WDR27: variants seen among roughly 807,000 people sequenced by gnomAD.
WDR27 encodes the protein WD repeat domain 27, also known as WD repeat-containing protein 27.
WDR27 carries 100 observed loss-of-function variants against 114.4 expected under a neutral mutation model. The observed-to-expected ratio is 0.87, with a 90% CI of 0.74 to 1.03. WDR27 has a LOEUF of 1.03. WDR27 is among the 50% of genes least tolerant of loss of function. The pLI is 0.00. For missense variants in WDR27, 1,129 were observed against 1,092.9 expected, an observed-to-expected ratio of 1.03 and a Z score of -0.47; for synonymous variants, 449 against 423.1, an observed-to-expected ratio of 1.06 and a Z score of -0.75.
At chr6:169,664,820 G>C in intron 7 of WDR27, 1 of 994,898 alleles carries the variant, frequency 1.0e-6, no homozygotes, top group Non-Finnish European at 1.2e-6. Flanking sequence ...TCAACAGTGT[G>C]TAAAGATGAC....
the WDR27 span, chr6:169,426,538 A>G: frequency 2.0e-5 from 3 of 152,112 alleles, no homozygotes; most frequent in East Asian, 3.8e-4. Flanking sequence ...CTGAGCTATT[A>G]AAAGAAAAAA....
intron 25 of WDR27, among the ~76,000 whole-genome samples, chr6:169,531,716 C>A (rs1795632711): frequency 1.3e-5 from 2 of 149,168 alleles, no homozygotes; most frequent in Non-Finnish European, 3.0e-5. Flanking sequence ...TGCAGTGGTG[C>A]GATCTCAGCT....
At chr6:169,452,438 C>G (rs1289237190), downstream of WDR27, among the ~76,000 whole-genome samples, 2 of 152,258 alleles carry the variant, frequency 1.3e-5, no homozygotes, top group Admixed American at 6.5e-5. Context: ...GTGAGGATCA[C>G]CCTGTGAAGA....
intron 21 of WDR27, among the ~76,000 whole-genome samples, chr6:169,629,509 C>T (rs1312554284): frequency 6.6e-6 from 1 of 152,154 alleles, no homozygotes; most frequent in East Asian, 1.9e-4. Flanking sequence ...CAATGACCAC[C>T]TTTAATAAGA....
intron 5 of WDR27, chr6:169,667,437 T>C: frequency 2.1e-6 from 2 of 962,926 alleles, no homozygotes; most frequent in Non-Finnish European, 2.5e-6. Flanking sequence ...GAAACAAAAA[T>C]GAAACAAGGT....
At chr6:169,590,951 G>A (rs1805639732) in intron 23 of WDR27, among the ~76,000 whole-genome samples, 1 of 152,214 alleles carries the variant, frequency 6.6e-6, no homozygotes, top group African/African-American at 2.4e-5. Flanking sequence ...GGCCATGGAA[G>A]CGCAGGTATC....
At position 169,658,455 on chromosome 6, in the gene WDR27, T is replaced by C. The variant is rs1261247025; in HGVS notation, c.1320-97A>G. Reference sequence around the variant, plus strand: ...CACTTTAAAGACAGTTCCAAATGACTGATTCCTGCAGCTGTGGACATAACA... The same window carrying C: ...CACTTTAAAGACAGTTCCAAATGACCGATTCCTGCAGCTGTGGACATAACA... On this transcript the variant is annotated intron_variant, in intron 12 of 25. Transcript: ENST00000448612. 9.1e-6 allele frequency: 8 copies of C among 882,766 alleles called. No homozygotes were observed. The Admixed American group carries it at 1.6e-4, about 18-fold the overall frequency. 54.7% of individuals were successfully genotyped at this position (882,766 alleles called of 1,614,324 possible). A position where few individuals can be genotyped will look rare whatever the true frequency, so the allele number is the denominator to read the frequency against.
intron 25 of WDR27, among the ~76,000 whole-genome samples, chr6:169,489,885 T>C (rs1368115857): frequency 5.3e-5 from 8 of 152,224 alleles, no homozygotes; most frequent in Non-Finnish European, 1.5e-5. Context: ...GTGGAAGTGC[T>C]TTGTGGTAGT....
At chr6:169,639,772 C>G (rs1818697295) in intron 17 of WDR27, among the ~76,000 whole-genome samples, 1 of 152,164 alleles carries the variant, frequency 6.6e-6, no homozygotes, top group Non-Finnish European at 1.5e-5. Context: ...GGTTTCTGGA[C>G]CTGTCTTGCC....
At chr6:169,465,127 G>A (rs552015886) in intron 25 of WDR27, among the ~76,000 whole-genome samples, 114 of 152,126 alleles carry the variant, frequency 7.5e-4, no homozygotes, top group East Asian at 4.3e-3. Flanking sequence ...GTGTGGGGGC[G>A]CATGCCTGTA....
intron 25 of WDR27, among the ~76,000 whole-genome samples, chr6:169,518,739 C>A (rs1030765679): frequency 6.6e-6 from 1 of 152,254 alleles, no homozygotes; most frequent in Non-Finnish European, 1.5e-5. Context: ...GGTTGCTCAG[C>A]AACCTGCTTG....
intron 25 of WDR27, among the ~76,000 whole-genome samples, chr6:169,475,509 C>T (rs1041509846): frequency 2.0e-5 from 3 of 152,234 alleles, no homozygotes; most frequent in African/African-American, 7.2e-5. Context: ...AGGTATGAGC[C>T]ACTGCATCTG....
At position 169,669,370 on chromosome 6, in the gene WDR27, A is replaced by T. The variant is rs148561057; in HGVS notation, c.457-1185T>A. ...GTGGGGAGGATCTCACGGGCTGCAC[A>T]CACATCTGCAGCAGGCACCTGCTTA... On this transcript the variant is annotated intron_variant, in intron 4 of 25. Coordinates refer to ENST00000448612, the MANE Select transcript of WDR27 (RefSeq NM_182552.5). Among the ~76,000 whole-genome samples the T allele has an allele frequency of 8.5e-3, 1,298 of 152,302 alleles. 8 individuals carry two copies. Among genetic ancestry groups the T allele is most frequent in the Non-Finnish European group, 0.015 (990 of 68,020 alleles).
chr6:169,470,847 G>A (rs556549657), intron 25 of WDR27, among the ~76,000 whole-genome samples: 64 of 152,152 alleles, frequency 4.2e-4, no homozygotes, highest in African/African-American at 1.5e-3. Context: ...CACAAGATGT[G>A]GCTTTATAAG....
chr6:169,437,635 C>T, the WDR27 span, among the ~76,000 whole-genome samples: 2 of 152,110 alleles, frequency 1.3e-5, no homozygotes, highest in East Asian at 3.9e-4. Context: ...TTTCTTCGTT[C>T]CTTAAAAAGG....
chr6:169,548,138 T>A (rs538261152), intron 25 of WDR27, among the ~76,000 whole-genome samples: 2 of 152,080 alleles, frequency 1.3e-5, no homozygotes, highest in East Asian at 3.9e-4. Flanking sequence ...AAGTACAAGG[T>A]CTATATGAGG....
chr6:169,585,547 A>G (rs1242435131), intron 23 of WDR27, among the ~76,000 whole-genome samples: 1 of 152,214 alleles, frequency 6.6e-6, no homozygotes, highest in East Asian at 1.9e-4. Context: ...AACTTTACTC[A>G]TAACCTACTG....
intron 25 of WDR27, among the ~76,000 whole-genome samples, chr6:169,471,804 G>A (rs925766551): frequency 6.6e-6 from 1 of 152,166 alleles, no homozygotes; most frequent in African/African-American, 2.4e-5. Flanking sequence ...ATAAACAACA[G>A]AAATGTATTG....
chr6:169,482,275 CTA>C (rs1788270327), intron 25 of WDR27, among the ~76,000 whole-genome samples: 1 of 152,136 alleles, frequency 6.6e-6, no homozygotes, highest in Non-Finnish European at 1.5e-5. Context: ...GCATGAGTCT[CTA>C]TAATAGAATA....
Sources: gnomAD v4.1 joint callset for allele counts (sites outside exome capture counted in the v4.1 genomes callset) on GRCh38, gnomAD v4.1.1 for gene constraint, MANE v1.5 for transcripts, NCBI Gene and HGNC (gene_info 2026-07-23, HGNC 2026-07-21) for gene names.